TNRC6C: variants seen among roughly 807,000 people sequenced by gnomAD.
The protein encoded by TNRC6C is trinucleotide repeat-containing gene 6C protein.
Under a neutral mutation model 153.7 loss-of-function variants are expected in TNRC6C, and 20 were observed. The ratio of observed to expected loss-of-function variants is 0.13; its 90% CI spans 0.09 to 0.19. TNRC6C has a LOEUF of 0.19. Ranked by LOEUF, TNRC6C falls within the 10% of genes least tolerant of loss-of-function variation. The probability of loss-of-function intolerance (pLI) is 1.00; values close to 1 mark genes in which losing one functional copy is unlikely to be tolerated. For missense variants in TNRC6C, 1,987 were observed against 2,172.0 expected (o/e 0.91, Z 1.69); for synonymous variants, 811 against 841.4 (o/e 0.96, Z 0.63).
At chr17:78,061,410 T>C (rs2072765496) in intron 3 of TNRC6C, among the ~76,000 whole-genome samples, 1 of 152,248 alleles carries the variant, frequency 6.6e-6, no homozygotes, top group Admixed American at 6.5e-5. Flanking sequence ...TTCTATTGCA[T>C]TTCAGTTTTT....
intron 1 of TNRC6C, among the ~76,000 whole-genome samples, chr17:77,983,869 A>G (rs1439111686): frequency 2.0e-5 from 3 of 152,208 alleles, no homozygotes; most frequent in African/African-American, 7.2e-5. Context: ...AGGAGTAATT[A>G]ATATAGCCAG....
chr17:78,014,781 T>C (rs1001915699), intron 1 of TNRC6C, among the ~76,000 whole-genome samples: 5 of 151,712 alleles, frequency 3.3e-5, no homozygotes, highest in Admixed American at 3.3e-4. Context: ...TTGTTTTGAG[T>C]TGGGCTCCAA....
chr17:78,106,583 A>C (rs1267334147), exon 20 of TNRC6C: 1 of 151,776 alleles, frequency 6.6e-6, no homozygotes, highest in African/African-American at 2.4e-5. Flanking sequence ...GGAAAAAAAA[A>C]CACAAAGAAG....
At chr17:78,066,561 CA>C (rs2072883735) in intron 4 of TNRC6C, 1 of 152,182 alleles carries the variant, frequency 6.6e-6, no homozygotes, top group African/African-American at 2.4e-5. Context: ...ATATGTTTAT[CA>C]GCCTTGTATC....
At chr17:78,094,949 G>A (rs1043951534) in intron 16 of TNRC6C, among the ~76,000 whole-genome samples, 11 of 152,228 alleles carry the variant, frequency 7.2e-5, no homozygotes, top group African/African-American at 1.4e-4. Context: ...AAAAGGAGCC[G>A]TGTAAGATGG....
intron 17 of TNRC6C, among the ~76,000 whole-genome samples, chr17:78,101,822 C>T (rs2073600788): frequency 6.6e-6 from 1 of 152,172 alleles, no homozygotes; most frequent in Non-Finnish European, 1.5e-5. Flanking sequence ...CCTGGGTGGG[C>T]CTGGTGTTCC....
chr17:78,086,785 T>C (rs2073299131), intron 12 of TNRC6C, 68 bp from the exon 15 acceptor site: 1 of 1,586,808 alleles, frequency 6.3e-7, no homozygotes. Context: ...AAGAATGCAT[T>C]TGGTCCCTAG....
At position 78,076,225 on chromosome 17, in the gene TNRC6C, A is replaced by G. The variant is rs2073081539; in HGVS notation, c.3060+947A>G. Among the ~76,000 whole-genome samples, 7 of 139,222 alleles carry G rather than the reference A, an allele frequency of 5.0e-5. No individual in the cohort carries two copies. In the Admixed American group the frequency reaches 5.0e-4, roughly 10 times the overall value. 91.3% of individuals were successfully genotyped at this position (139,222 alleles called of 152,430 possible). A position where few individuals can be genotyped will look rare whatever the true frequency, so the allele number is the denominator to read the frequency against. ...AGCGATACTCTGTCTCAAAAAAAAA[A>G]AGAAAAAGAAAAAAAAAAAAGGAAA... is the stretch of plus-strand genomic sequence containing the variant. On this transcript the variant is annotated intron_variant, in intron 8 of 19. Coordinates refer to ENST00000301624, the Ensembl canonical transcript of TNRC6C.
chr17:78,023,883 G>T (rs956510337), intron 1 of TNRC6C, among the ~76,000 whole-genome samples: 1 of 152,104 alleles, frequency 6.6e-6, no homozygotes, highest in African/African-American at 2.4e-5. Flanking sequence ...GCCAGGGTGG[G>T]TGGATCACCT....
Position 78,104,887 on chromosome 17 carries a change from G to T in TNRC6C, c.*42G>T. ...CACCAGGAGAGCCGACCCCTCCCGGGACCCCTCCCGGCTGGGCGGCCCCAC... is the reference window on the plus strand; with the variant it reads ...CACCAGGAGAGCCGACCCCTCCCGGTACCCCTCCCGGCTGGGCGGCCCCAC... On this transcript the variant is annotated 3_prime_UTR_variant, in exon 20 of 20. Coordinates refer to ENST00000301624, the Ensembl canonical transcript of TNRC6C. The surrounding 1 kb of genome is among the most constrained non-coding windows in gnomAD (Gnocchi z 6.2). The T allele has an allele frequency of 1.4e-6, 2 of 1,395,118 alleles. No homozygotes were observed. The highest frequency in any genetic ancestry group is 1.5e-5 in the African/African-American group (1 of 65,882). 86.4% of individuals were successfully genotyped at this position (1,395,118 alleles called of 1,614,324 possible).
chr17:77,983,169 C>G (rs1200610146), intron 1 of TNRC6C, among the ~76,000 whole-genome samples: 1 of 152,170 alleles, frequency 6.6e-6, no homozygotes, highest in Non-Finnish European at 1.5e-5. Context: ...TACTGTTATA[C>G]CTTATAACCC....
rs1412019923 is a variant in TNRC6C at position 78,049,869 on chromosome 17, T to C, written c.807T>C (p.Asn269=). 1 of 1,613,878 alleles carries C rather than the reference T, an allele frequency of 6.2e-7. No individual in the cohort carries two copies. Among genetic ancestry groups the C allele is most frequent in the African/African-American group, 1.3e-5 (1 of 74,928 alleles). ...GCAATTCTGGGTTCAGTCAGGGGAA[T>C]GGAGACACTGTGAACTCAGCATTAA... is the stretch of plus-strand genomic sequence containing the variant. The change falls in exon 3 of 20, where the codon AAT becomes AAC. Residue 269 remains asparagine (N), a synonymous_variant. Coordinates refer to ENST00000301624, the Ensembl canonical transcript of TNRC6C. This position sits in a 1 kb window ranked among gnomAD's most constrained non-coding sequence, Gnocchi z 4.1.
intron 1 of TNRC6C, among the ~76,000 whole-genome samples, chr17:77,989,169 G>A (rs1385857591): frequency 6.6e-6 from 1 of 152,206 alleles, no homozygotes; most frequent in Non-Finnish European, 1.5e-5. Flanking sequence ...TGGAAGGATG[G>A]ACTTTTGTTT....
intron 1 of TNRC6C, among the ~76,000 whole-genome samples, chr17:77,987,783 G>C (rs983258829): frequency 6.6e-6 from 1 of 152,086 alleles, no homozygotes; most frequent in Non-Finnish European, 1.5e-5. Context: ...GGGTTCAAGC[G>C]ATTCTCCTGC....
chr17:78,004,872 G>T (rs949835646), upstream of TNRC6C, among the ~76,000 whole-genome samples: 1 of 152,074 alleles, frequency 6.6e-6, no homozygotes, highest in Non-Finnish European at 1.5e-5. Flanking sequence ...ATTAACATTG[G>T]TATATAATCA....
At chr17:78,052,233 C>T (rs2072552043) in intron 3 of TNRC6C, among the ~76,000 whole-genome samples, 1 of 152,214 alleles carries the variant, frequency 6.6e-6, no homozygotes, top group African/African-American at 2.4e-5. Context: ...GGAGGGCTGG[C>T]TAGGAGCAGC....
chr17:78,069,732 G>A (rs2072954297), intron 5 of TNRC6C, among the ~76,000 whole-genome samples: 1 of 152,118 alleles, frequency 6.6e-6, no homozygotes, highest in African/African-American at 2.4e-5. Context: ...TCTATGTATT[G>A]ATATGAAAAG....
At chr17:77,970,401 A>G (rs900971744) in intron 1 of TNRC6C, among the ~76,000 whole-genome samples, 2 of 152,246 alleles carry the variant, frequency 1.3e-5, no homozygotes, top group Admixed American at 6.5e-5. Flanking sequence ...ATGCACTATC[A>G]TGCCTGGCTA....
chr17:78,050,244 A>G (rs1021143036), exon 3 of TNRC6C: 4 of 1,540,956 alleles, frequency 2.6e-6, no homozygotes, highest in Non-Finnish European at 3.5e-6. Context: ...CTGGAACTAC[A>G]GCAAGTGAAG....
Sources: gnomAD v4.1 joint callset for allele counts (sites outside exome capture counted in the v4.1 genomes callset) on GRCh38, gnomAD v4.1.1 for gene constraint, Gnocchi (gnomAD v3.1) non-coding constraint, MANE v1.5 for transcripts, NCBI Gene and HGNC (gene_info 2026-07-23, HGNC 2026-07-21) for gene names.